ROBO2: variants seen among roughly 807,000 people sequenced by gnomAD.
ROBO2 encodes the protein roundabout homolog 2.
ROBO2 carries 53 observed loss-of-function variants against 160.8 expected under a neutral mutation model. The ratio of observed to expected loss-of-function variants is 0.33; its 90% CI spans 0.26 to 0.41. The LOEUF is 0.41. Among genes scored for constraint, ROBO2 ranks in the 10% least tolerant of loss-of-function variants. ROBO2 has a pLI of 1.00. For missense variants in ROBO2, 1,577 were observed against 1,722.4 expected (o/e 0.92, Z 1.49); for synonymous variants, 664 against 611.7 (o/e 1.09, Z -1.26).
At chr3:76,424,718 T>C (rs2076140587) in intron 2 of ROBO2, among the ~76,000 whole-genome samples, 1 of 152,176 alleles carries the variant, frequency 6.6e-6, no homozygotes, top group Admixed American at 6.5e-5. Context: ...AGTTGATGGA[T>C]ACAGTTATGC....
chr3:76,033,895 A>T (rs1419856542), intron 2 of ROBO2, among the ~76,000 whole-genome samples: 1 of 152,132 alleles, frequency 6.6e-6, no homozygotes, highest in Non-Finnish European at 1.5e-5. Context: ...TTAATAGGAG[A>T]TCCTGGAATT....
At chr3:75,920,003 A>AT (rs1946967489) in intron 1 of ROBO2, among the ~76,000 whole-genome samples, 1 of 151,928 alleles carries the variant, frequency 6.6e-6, no homozygotes, top group Non-Finnish European at 1.5e-5. Context: ...AGATTCATTG[A>AT]TTTTTTGAAG....
chr3:76,747,134 A>AT (rs1458364203), intron 2 of ROBO2, among the ~76,000 whole-genome samples: 1 of 152,048 alleles, frequency 6.6e-6, no homozygotes, highest in Non-Finnish European at 1.5e-5. Context: ...TATCTTTGTA[A>AT]TAAAAAATAC....
At chr3:77,314,459 C>G (rs569996611) in intron 2 of ROBO2, among the ~76,000 whole-genome samples, 3 of 152,142 alleles carry the variant, frequency 2.0e-5, no homozygotes, top group Non-Finnish European at 4.4e-5. Flanking sequence ...TAAGTCAAAA[C>G]AAACTCTAGT....
At chr3:77,433,642 C>T (rs1191870636) in intron 2 of ROBO2, among the ~76,000 whole-genome samples, 2 of 151,516 alleles carry the variant, frequency 1.3e-5, no homozygotes, top group African/African-American at 4.8e-5. Flanking sequence ...CAAGTGCCTT[C>T]CCTAAACAGA....
At chr3:77,016,386 T>G (rs2062256552) in intron 2 of ROBO2, among the ~76,000 whole-genome samples, 1 of 152,080 alleles carries the variant, frequency 6.6e-6, no homozygotes. Flanking sequence ...GTCTCTCCAT[T>G]AAAGAACAAA....
chr3:77,283,563 T>C (rs2060386855), intron 2 of ROBO2, among the ~76,000 whole-genome samples: 1 of 152,174 alleles, frequency 6.6e-6, no homozygotes, highest in Non-Finnish European at 1.5e-5. Context: ...ATGATCAAAG[T>C]TACATATTTA....
At chr3:77,090,265 G>A (rs907171008) in intron 1 of ROBO2, among the ~76,000 whole-genome samples, 2 of 143,970 alleles carry the variant, frequency 1.4e-5, no homozygotes, top group East Asian at 2.0e-4. Flanking sequence ...TACACTGAAC[G>A]CTTACTGCCC....
At chr3:76,628,235 A>G (rs1011472831) in intron 2 of ROBO2, among the ~76,000 whole-genome samples, 2 of 151,952 alleles carry the variant, frequency 1.3e-5, no homozygotes, top group Non-Finnish European at 2.9e-5. Context: ...TAAGATAAAA[A>G]CAACGTGTGT....
intron 2 of ROBO2, among the ~76,000 whole-genome samples, chr3:77,314,384 T>G (rs994352391): frequency 1.3e-5 from 2 of 152,228 alleles, no homozygotes; most frequent in African/African-American, 4.8e-5. Context: ...CATTTGGCCT[T>G]ATTCTTTAAG....
intron 2 of ROBO2, among the ~76,000 whole-genome samples, chr3:76,414,439 A>T (rs2108863885): frequency 6.6e-6 from 1 of 152,190 alleles, no homozygotes; most frequent in Admixed American, 6.5e-5. Context: ...TGCAGCCATA[A>T]AAAATGATGA....
chr3:77,298,794 T>C (rs1279913821), intron 2 of ROBO2, among the ~76,000 whole-genome samples: 2 of 152,168 alleles, frequency 1.3e-5, no homozygotes, highest in Non-Finnish European at 2.9e-5. Context: ...TGCATGGGAG[T>C]GTGCTTGGCA....
At chr3:76,185,263 C>A (rs572952448) in intron 2 of ROBO2, among the ~76,000 whole-genome samples, 3 of 111,348 alleles carry the variant, frequency 2.7e-5, no homozygotes, top group Admixed American at 2.2e-4. Context: ...TATGGATATA[C>A]TGTCAACAAT....
At chr3:76,857,138 A>T (rs1038723053) in intron 2 of ROBO2, among the ~76,000 whole-genome samples, 1 of 152,114 alleles carries the variant, frequency 6.6e-6, no homozygotes, top group African/African-American at 2.4e-5. Flanking sequence ...GGCGCCCGCC[A>T]CCACGCCCGG....
rs529868272 is a variant in ROBO2, at chr3:76,263,235, T to C, written c.109+325633T>C. On this transcript the variant is annotated intron_variant, in intron 2 of 26. Coordinates refer to the ROBO2 transcript ENST00000487694. ...GCACCGTTGAATCATGGTACAATAG[T>C]CCTTTTTTTTGGGGAAGGGTCTTGC... is the stretch of plus-strand genomic sequence containing the variant. 4.6e-5 allele frequency among the ~76,000 whole-genome samples: 7 copies of C among 152,188 alleles called. 1 individual carries two copies. In the South Asian group the frequency reaches 1.4e-3, roughly 32 times the overall value.
At chr3:76,957,341 A>G (rs962605903) in intron 2 of ROBO2, among the ~76,000 whole-genome samples, 1 of 152,056 alleles carries the variant, frequency 6.6e-6, no homozygotes, top group Non-Finnish European at 1.5e-5. Flanking sequence ...TGTAAACATT[A>G]TGTTTCCAAT....
At chr3:77,212,999 G>A (rs577131906) in intron 2 of ROBO2, among the ~76,000 whole-genome samples, 18 of 152,202 alleles carry the variant, frequency 1.2e-4, no homozygotes, top group African/African-American at 4.3e-4. Context: ...GAGGATTTTT[G>A]CATCAATGTT....
intron 2 of ROBO2, among the ~76,000 whole-genome samples, chr3:77,430,987 A>C (rs2153541582): frequency 6.6e-6 from 1 of 152,246 alleles, no homozygotes; most frequent in South Asian, 2.1e-4. Flanking sequence ...TTTCCCAGTA[A>C]GTTTATTGTC....
At chr3:76,816,036 C>T (rs780430302) in intron 2 of ROBO2, among the ~76,000 whole-genome samples, 13 of 152,116 alleles carry the variant, frequency 8.5e-5, no homozygotes, top group Non-Finnish European at 1.5e-4. Context: ...CTGTTGAAGA[C>T]GGTTTTTTCT....
Sources: gnomAD v4.1 joint callset for allele counts (sites outside exome capture counted in the v4.1 genomes callset) on GRCh38, gnomAD v4.1.1 for gene constraint, MANE v1.5 for transcripts, NCBI Gene and HGNC (gene_info 2026-07-23, HGNC 2026-07-21) for gene names.